Variants in TRPC5 observed in about 807,000 individuals in gnomAD.
The protein encoded by TRPC5 is short transient receptor potential channel 5.
Under a neutral mutation model 56.5 loss-of-function variants are expected in TRPC5, and 9 were observed. That is an observed-to-expected ratio of 0.16 (90% CI 0.10 to 0.28). TRPC5 has a LOEUF of 0.28. Among genes scored for constraint, TRPC5 ranks in the 10% least tolerant of loss-of-function variants. The pLI is 1.00. For synonymous variants in TRPC5, 282 were observed against 278.5 expected (o/e 1.01, Z -0.13); for missense variants, 469 against 748.9 (o/e 0.63, Z 4.36).
intron 1 of TRPC5, among the ~76,000 whole-genome samples, chrX:112,007,433 T>C (rs1216521763): frequency 9.0e-6 from 1 of 111,497 alleles, no homozygotes; most frequent in African/African-American, 3.3e-5. Context: ...TTTTTTTAGT[T>C]TGTTTCAGGG....
At chrX:111,882,021 G>GGGTCTTGTCTCTGACT in intron 3 of TRPC5, 1 of 110,010 alleles carries the variant, frequency 9.1e-6, no homozygotes, top group East Asian at 2.9e-4. Context: ...GGTAAGGTAG[G>GGGTCTTGTCTCTGACT]TAAGAAGATC....
intron 1 of TRPC5, among the ~76,000 whole-genome samples, chrX:112,040,940 A>T (rs1929875558): frequency 8.9e-6 from 1 of 112,107 alleles, no homozygotes; most frequent in African/African-American, 3.2e-5. Context: ...ACATTATCAC[A>T]TTTGCTGCCA....
At chrX:111,905,781 G>T (rs1382492155) in intron 3 of TRPC5, among the ~76,000 whole-genome samples, 3 of 109,507 alleles carry the variant, frequency 2.7e-5, no homozygotes, top group Non-Finnish European at 5.7e-5. Context: ...TGGGCGTGGT[G>T]GCGGGCGCCT....
chrX:111,996,313 C>A, intron 1 of TRPC5, among the ~76,000 whole-genome samples: 1 of 111,873 alleles, frequency 8.9e-6, no homozygotes, highest in Non-Finnish European at 1.9e-5. Context: ...TTTCTTAATC[C>A]TGAGTTCTAA....
intron 7 of TRPC5, among the ~76,000 whole-genome samples, chrX:111,784,024 C>T (rs1408023285): frequency 8.9e-6 from 1 of 111,864 alleles, no homozygotes; most frequent in Non-Finnish European, 1.9e-5. Context: ...TGTTGGACAA[C>T]TCTCATTTCT....
intron 1 of TRPC5, among the ~76,000 whole-genome samples, chrX:112,069,014 G>A (rs1440992992): frequency 1.8e-5 from 2 of 111,688 alleles, no homozygotes; most frequent in African/African-American, 6.5e-5. Context: ...TCAGAGCCAG[G>A]CTTCAAGCCT....
chrX:111,769,090 G>C lies in TRPC5; in HGVS notation c.*7223C>G, dbSNP rs1252001132. 1.8e-5 allele frequency among the ~76,000 whole-genome samples: 2 copies of C among 111,371 alleles called. No homozygotes were observed. The highest frequency in any genetic ancestry group is 3.8e-5 in the Non-Finnish European group (2 of 52,991). On this transcript the variant is annotated 3_prime_UTR_variant, in exon 11 of 11. Coordinates refer to ENST00000262839, the MANE Select transcript of TRPC5 (RefSeq NM_012471.3). ...CTAGCTAGCTGCCATCTTCCTATTA[G>C]AGTTTCTTTCCATTGCTTCTGCCAC...
chrX:111,863,674 C>T (rs1033366804), intron 3 of TRPC5, among the ~76,000 whole-genome samples: 1 of 111,890 alleles, frequency 8.9e-6, no homozygotes, highest in African/African-American at 3.2e-5. Context: ...TGTCAGTGGA[C>T]ATCCCTGTCT....
At chrX:111,939,292 G>T (rs1926700024) in intron 2 of TRPC5, among the ~76,000 whole-genome samples, 1 of 111,527 alleles carries the variant, frequency 9.0e-6, no homozygotes, top group Non-Finnish European at 1.9e-5. Context: ...GTTGTTGAAT[G>T]CAGTTTGCTA....
Position 111,847,079 on chromosome X carries a change from A to T in TRPC5, c.1700+35T>A, listed in dbSNP as rs73639658. On this transcript the variant is annotated intron_variant, in intron 6 of 10. Coordinates refer to ENST00000262839, the MANE Select transcript of TRPC5 (RefSeq NM_012471.3). ...GAAGGCGGAAAAAATGGCAAAAAAA[A>T]AAATAAATAAATAAAGGAAAGGGGA... 4.4e-3 allele frequency: 5,120 copies of T among 1,156,289 alleles called. 91 individuals are homozygous for T. The African/African-American group carries it at 0.068, about 15-fold the overall frequency.
At chrX:112,052,720 T>TC (rs1298999440) in intron 1 of TRPC5, among the ~76,000 whole-genome samples, 1 of 111,642 alleles carries the variant, frequency 9.0e-6, no homozygotes, top group African/African-American at 3.3e-5. Flanking sequence ...TCATGAAGCT[T>TC]CCCCCCGGAG....
At chrX:112,070,259 A>AC (rs1476765348) in intron 1 of TRPC5, among the ~76,000 whole-genome samples, 1 of 111,024 alleles carries the variant, frequency 9.0e-6, no homozygotes, top group Non-Finnish European at 1.9e-5. Flanking sequence ...GACTTAACTC[A>AC]CCCCTCTAGT....
Position 111,776,142 on chromosome X carries a change from T to C in TRPC5, c.*171A>G. ...AGGCAAATAATAATGAAAGTAATAA[T>C]AAAACAAGAACAAAAATGGAGAATG... On this transcript the variant is annotated 3_prime_UTR_variant, in exon 11 of 11. Transcript: ENST00000262839. The C allele has an allele frequency of 1.1e-5, 5 of 450,073 alleles. No homozygotes were observed. Among genetic ancestry groups the C allele is most frequent in the Admixed American group, 4.5e-5 (1 of 22,416 alleles). 37.1% of individuals were successfully genotyped at this position (450,073 alleles called of 1,213,427 possible).
chrX:111,784,723 T>C (rs1201850193), intron 7 of TRPC5, among the ~76,000 whole-genome samples: 1 of 112,693 alleles, frequency 8.9e-6, no homozygotes, highest in Admixed American at 9.3e-5. Context: ...ACCCAAATAC[T>C]GCACTTTTCC....
At chrX:111,809,024 T>A (rs374873892) in intron 7 of TRPC5, among the ~76,000 whole-genome samples, 1 of 109,617 alleles carries the variant, frequency 9.1e-6, no homozygotes, top group South Asian at 4.0e-4. Context: ...GGTATCCAAG[T>A]TGCAAGAGAA....
chrX:111,979,157 C>T (rs1239633073), intron 1 of TRPC5, among the ~76,000 whole-genome samples: 2 of 110,923 alleles, frequency 1.8e-5, no homozygotes, highest in Non-Finnish European at 3.8e-5. Flanking sequence ...AAAAAGAGTC[C>T]AGTAGTATGC....
intron 2 of TRPC5, among the ~76,000 whole-genome samples, chrX:111,918,127 G>T (rs1926028319): frequency 9.0e-6 from 1 of 111,140 alleles, no homozygotes; most frequent in Non-Finnish European, 1.9e-5. Context: ...GATGAGGAGA[G>T]ATGAGGTCCA....
At chrX:112,004,238 A>T (rs112057993) in intron 1 of TRPC5, among the ~76,000 whole-genome samples, 9,661 of 111,689 alleles carry the variant, frequency 0.086, 647 homozygotes, top group African/African-American at 0.23. Context: ...TATATTATCA[A>T]CAGAACATCT....
chrX:111,967,883 T>G (rs764373068), intron 1 of TRPC5, among the ~76,000 whole-genome samples: 97 of 111,532 alleles, frequency 8.7e-4, no homozygotes, highest in African/African-American at 2.8e-3. Context: ...GAAGAAAACC[T>G]AGGCAATACC....
Sources: allele counts gnomAD v4.1 joint callset (sites outside exome capture counted in the v4.1 genomes callset), GRCh38; gene constraint gnomAD v4.1.1; transcripts MANE v1.5; gene names NCBI Gene and HGNC (gene_info 2026-07-23, HGNC 2026-07-21).